The following CSMD2 variants were observed in gnomAD, a reference collection of about 807,000 sequenced individuals.
CSMD2 encodes the protein CUB and Sushi multiple domains 2, also known as CUB and sushi domain-containing protein 2.
CSMD2 carries 130 observed loss-of-function variants against 398.5 expected under a neutral mutation model. The ratio of observed to expected loss-of-function variants is 0.33; its 90% CI spans 0.28 to 0.38. The LOEUF is 0.38. Among genes scored for constraint, CSMD2 ranks in the 10% least tolerant of loss-of-function variants. The pLI is 1.00. For missense variants in CSMD2, 3,829 were observed against 4,764.9 expected (o/e 0.80, Z 5.78); for synonymous variants, 1,828 against 1,908.5 (o/e 0.96, Z 1.10).
intron 26 of CSMD2, among the ~76,000 whole-genome samples, chr1:33,662,145 G>A (rs528215885): frequency 7.2e-5 from 11 of 152,232 alleles, no homozygotes; most frequent in Middle Eastern, 3.4e-3. Context: ...TTTGAGCATT[G>A]GCCATTTTGG....
intron 1 of CSMD2, among the ~76,000 whole-genome samples, chr1:34,097,153 C>A (rs1261368528): frequency 2.0e-5 from 3 of 146,892 alleles, no homozygotes; most frequent in Non-Finnish European, 4.5e-5. Flanking sequence ...GAAAAACAAG[C>A]AATGGGGAAA....
chr1:33,820,417 G>C (rs943270396), intron 8 of CSMD2, 52 bp downstream of exon 8: 37 of 1,272,586 alleles, frequency 2.9e-5, no homozygotes, highest in South Asian at 1.7e-4. Context: ...CTTCCTCCCA[G>C]CCAGGCCACC....
intron 2 of CSMD2, among the ~76,000 whole-genome samples, chr1:34,082,267 C>T (rs1327706096): frequency 3.3e-5 from 5 of 150,454 alleles, no homozygotes; most frequent in Non-Finnish European, 5.9e-5. Context: ...AACTGAGGAG[C>T]GCCTCTGCCC....
intron 13 of CSMD2, among the ~76,000 whole-genome samples, chr1:33,743,878 C>T (rs576213842): frequency 5.3e-5 from 8 of 152,342 alleles, no homozygotes; most frequent in Admixed American, 1.3e-4. Context: ...TCAGCACGCC[C>T]ACCTAGGATG....
chr1:34,039,029 A>G (rs1558286192), intron 2 of CSMD2, among the ~76,000 whole-genome samples: 2 of 152,218 alleles, frequency 1.3e-5, no homozygotes, highest in South Asian at 4.1e-4. Flanking sequence ...CTTTCTCATC[A>G]TTCAAATCTT....
At chr1:33,766,601 T>C (rs1388373495) in intron 13 of CSMD2, among the ~76,000 whole-genome samples, 1 of 152,238 alleles carries the variant, frequency 6.6e-6, no homozygotes, top group Non-Finnish European at 1.5e-5. Context: ...GCCCAATTCA[T>C]CTCTGAATTC....
At chr1:33,771,619 C>T (rs1651277531) in intron 13 of CSMD2, among the ~76,000 whole-genome samples, 1 of 152,038 alleles carries the variant, frequency 6.6e-6, no homozygotes, top group African/African-American at 2.4e-5. Context: ...ACCAAACTCT[C>T]AGTCATCACA....
chr1:33,596,966 C>T (rs1361246226), intron 44 of CSMD2, among the ~76,000 whole-genome samples: 2 of 152,076 alleles, frequency 1.3e-5, no homozygotes, highest in African/African-American at 2.4e-5. Context: ...GAACATTTCA[C>T]CTGTTATTTG....
At position 33,633,598 on chromosome 1, in the gene CSMD2, G is replaced by A; in HGVS notation, c.5087-63C>T. 1 of 1,282,312 alleles carries A rather than the reference G, an allele frequency of 7.8e-7. No homozygotes were observed. The highest frequency in any genetic ancestry group is 1.3e-5 in the South Asian group (1 of 78,536). 79.4% of individuals were successfully genotyped at this position (1,282,312 alleles called of 1,614,324 possible). On this transcript the variant is annotated intron_variant, in intron 31 of 70. Transcript: ENST00000373381. This position sits in a 1 kb window ranked among gnomAD's most constrained non-coding sequence, Gnocchi z 5.0. The stretch of plus-strand genomic sequence containing the variant: ...GCTGGGGGCAGGAGAGGGGATCTAG[G>A]GGTCTAGGGGCCCAAGCCAGGAGGA...
intron 1 of CSMD2, among the ~76,000 whole-genome samples, chr1:34,159,112 C>T (rs1388084919): frequency 1.3e-5 from 2 of 152,116 alleles, no homozygotes; most frequent in African/African-American, 4.8e-5. Flanking sequence ...CTCATCAGCA[C>T]ACTTACTGAG....
chr1:33,683,661 G>A (rs1267787013), intron 25 of CSMD2, among the ~76,000 whole-genome samples: 1 of 152,228 alleles, frequency 6.6e-6, no homozygotes, highest in Admixed American at 6.5e-5. Flanking sequence ...AGTAGTTTGT[G>A]TTTCTTTCTC....
At chr1:33,954,240 C>T (rs1645094395) in intron 3 of CSMD2, among the ~76,000 whole-genome samples, 1 of 152,086 alleles carries the variant, frequency 6.6e-6, no homozygotes, top group South Asian at 2.1e-4. Context: ...AACTAACTTG[C>T]CCTAGGTCGT....
chr1:33,534,803 A>G (rs997084997), intron 62 of CSMD2, among the ~76,000 whole-genome samples: 2 of 152,178 alleles, frequency 1.3e-5, no homozygotes, highest in Non-Finnish European at 2.9e-5. Flanking sequence ...TGCAAATAAA[A>G]AACCTCAAGT....
intron 3 of CSMD2, among the ~76,000 whole-genome samples, chr1:33,985,553 A>C (rs1646330424): frequency 1.3e-5 from 2 of 152,190 alleles, no homozygotes; most frequent in Non-Finnish European, 2.9e-5. Context: ...AGTGGAGTCG[A>C]AACGTACCCG....
At chr1:33,957,132 T>A (rs1033676097) in intron 3 of CSMD2, among the ~76,000 whole-genome samples, 1 of 151,960 alleles carries the variant, frequency 6.6e-6, no homozygotes, top group Non-Finnish European at 1.5e-5. Context: ...CTGTCTTATT[T>A]CAAGTCTTTG....
chr1:34,010,096 C>G (rs1048492608), intron 3 of CSMD2, among the ~76,000 whole-genome samples: 7 of 152,192 alleles, frequency 4.6e-5, no homozygotes, highest in African/African-American at 1.7e-4. Flanking sequence ...TCATACAGGT[C>G]TGTCTGCTGT....
intron 3 of CSMD2, among the ~76,000 whole-genome samples, chr1:33,992,242 T>C (rs1409061106): frequency 1.3e-5 from 2 of 152,126 alleles, no homozygotes; most frequent in African/African-American, 2.4e-5. Flanking sequence ...TATAAGCTCA[T>C]AAAAGTGCAT....
At chr1:33,946,254 CT>C (rs1644833580) in intron 3 of CSMD2, among the ~76,000 whole-genome samples, 1 of 152,198 alleles carries the variant, frequency 6.6e-6, no homozygotes, top group Non-Finnish European at 1.5e-5. Flanking sequence ...CTGAATTGTT[CT>C]GCGAAACACA....
chr1:33,849,812 A>G (rs1472919888), intron 5 of CSMD2, among the ~76,000 whole-genome samples: 1 of 152,146 alleles, frequency 6.6e-6, no homozygotes, highest in Non-Finnish European at 1.5e-5. Flanking sequence ...ATATAAGTAA[A>G]TAGGTAAATA....
Sources: allele counts gnomAD v4.1 joint callset (sites outside exome capture counted in the v4.1 genomes callset), GRCh38; gene constraint gnomAD v4.1.1; non-coding constraint Gnocchi (gnomAD v3.1); transcripts MANE v1.5; gene names NCBI Gene and HGNC (gene_info 2026-07-23, HGNC 2026-07-21).